DLGAP2: variants seen among roughly 807,000 people sequenced by gnomAD.
DLGAP2 encodes DLG associated protein 2.
A neutral mutation model predicts 100.3 loss-of-function variants in DLGAP2; 26 were observed. The observed-to-expected ratio is 0.26, with a 90% CI of 0.19 to 0.36. The LOEUF is 0.36. Among genes scored for constraint, DLGAP2 ranks in the 10% least tolerant of loss-of-function variants. The probability of loss-of-function intolerance (pLI) is 1.00; values close to 1 mark genes in which losing one functional copy is unlikely to be tolerated. For missense variants in DLGAP2, 1,858 were observed against 1,453.2 expected (o/e 1.28, Z -4.53); for synonymous variants, 886 against 630.1 (o/e 1.41, Z -6.08).
chr8:823,377 A>G (rs1796624652), intron 1 of DLGAP2, among the ~76,000 whole-genome samples: 1 of 152,048 alleles, frequency 6.6e-6, no homozygotes, highest in African/African-American at 2.4e-5. Context: ...AAGACAGTTC[A>G]CAGTACGCTT....
intron 2 of DLGAP2, among the ~76,000 whole-genome samples, chr8:1,194,261 C>T (rs1341801524): frequency 1.3e-5 from 2 of 152,128 alleles, no homozygotes; most frequent in South Asian, 2.1e-4. Context: ...GAAACACAGG[C>T]TCTGCGATTT....
intron 3 of DLGAP2, among the ~76,000 whole-genome samples, chr8:1,376,662 CGGTGGG>C (rs1802396485): frequency 1.6e-5 from 2 of 125,488 alleles, no homozygotes; most frequent in East Asian, 3.8e-4. Flanking sequence ...ACTCTGACCC[CGGTGGG>C]ATGTGTGGTC....
At chr8:1,271,684 G>C (rs1001640612) in intron 3 of DLGAP2, among the ~76,000 whole-genome samples, 1 of 152,244 alleles carries the variant, frequency 6.6e-6, no homozygotes, top group Non-Finnish European at 1.5e-5. Context: ...AAACAGGGTA[G>C]AGTGGTGTCT....
In DLGAP2 at chr8:1,317,929, AGCGTTTAAAAATAGAGC is replaced by A. The variant is rs1563079689; in HGVS notation, c.106+59048_106+59064del. Among the ~76,000 whole-genome samples the A allele has an allele frequency of 1.1e-3, 95 of 89,132 alleles. 2 individuals are homozygous for A. The highest frequency in any genetic ancestry group is 2.3e-3 in the Admixed American group (20 of 8,682). The allele number at this position is 89,132 out of a possible 152,430, so 58.5% of individuals were successfully genotyped here. A position where few individuals can be genotyped will look rare whatever the true frequency, so the allele number is the denominator to read the frequency against. ...GTGGTCTACACTCGAGACACTCGTC[AGCGTTTAAAAATAGAGC>A]GTGTGCGAGTGCAGCGTCTCTCCAA... On this transcript the variant is annotated intron_variant, in intron 3 of 14. Coordinates refer to ENST00000637795, the MANE Select transcript of DLGAP2 (RefSeq NM_001346810.2).
chr8:1,366,257 C>T (rs187160625), intron 3 of DLGAP2, among the ~76,000 whole-genome samples: 91 of 152,304 alleles, frequency 6.0e-4, no homozygotes, highest in Admixed American at 1.4e-3. Context: ...ATAAAGTAAA[C>T]ATTTATCACC....
chr8:1,129,286 C>T (rs1428434886), intron 2 of DLGAP2, among the ~76,000 whole-genome samples: 1 of 151,802 alleles, frequency 6.6e-6, no homozygotes, highest in Non-Finnish European at 1.5e-5. Flanking sequence ...GCCTGTGTTC[C>T]CAGCTGCTCG....
chr8:1,464,510 C>G (rs1183566944), intron 3 of DLGAP2, among the ~76,000 whole-genome samples: 2 of 98,948 alleles, frequency 2.0e-5, no homozygotes, highest in Non-Finnish European at 4.3e-5. Flanking sequence ...CAGGACGGCA[C>G]CCTTCCAGGA....
intron 3 of DLGAP2, among the ~76,000 whole-genome samples, chr8:1,269,106 CTG>C (rs1221812035): frequency 7.2e-5 from 11 of 152,214 alleles, no homozygotes; most frequent in Admixed American, 1.3e-4. Flanking sequence ...TCCTAAGCAA[CTG>C]TACATTGGCT....
chr8:1,144,032 C>T (rs1219791459), intron 2 of DLGAP2, among the ~76,000 whole-genome samples: 1 of 152,182 alleles, frequency 6.6e-6, no homozygotes, highest in Non-Finnish European at 1.5e-5. Flanking sequence ...GCATCTTAGT[C>T]CTGTTATTTC....
intron 2 of DLGAP2, among the ~76,000 whole-genome samples, chr8:1,165,825 T>C (rs1797003826): frequency 6.6e-6 from 1 of 151,868 alleles, no homozygotes; most frequent in Non-Finnish European, 1.5e-5. Flanking sequence ...TATCATTTCT[T>C]AAAAGCCTAA....
chr8:1,183,128 T>A (rs1797426713), intron 2 of DLGAP2, among the ~76,000 whole-genome samples: 2 of 151,264 alleles, frequency 1.3e-5, no homozygotes, highest in Admixed American at 1.3e-4. Flanking sequence ...CGAGATGCCT[T>A]GTGGGTGGGG....
intron 2 of DLGAP2, among the ~76,000 whole-genome samples, chr8:1,136,224 C>G (rs1294788577): frequency 6.6e-6 from 1 of 152,092 alleles, no homozygotes; most frequent in African/African-American, 2.4e-5. Context: ...CCCTTAGGCA[C>G]ATGAGTTGGG....
At chr8:880,964 T>G (rs1167553535) in intron 1 of DLGAP2, among the ~76,000 whole-genome samples, 1 of 152,216 alleles carries the variant, frequency 6.6e-6, no homozygotes, top group Non-Finnish European at 1.5e-5. Flanking sequence ...CACAGCCAAC[T>G]TTCTATCTCC....
intron 8 of DLGAP2, among the ~76,000 whole-genome samples, chr8:1,656,568 T>G (rs1798290124): frequency 6.6e-6 from 1 of 152,192 alleles, no homozygotes; most frequent in Non-Finnish European, 1.5e-5. Context: ...GGTTTGCAAA[T>G]GAGGTGGGCT....
intron 2 of DLGAP2, among the ~76,000 whole-genome samples, chr8:1,083,013 T>C (rs184010583): frequency 4.3e-4 from 65 of 152,338 alleles, no homozygotes; most frequent in Non-Finnish European, 6.8e-4. Context: ...AGAAGATATA[T>C]ATGGACCACA....
chr8:1,257,175 C>G (rs979109229), intron 2 of DLGAP2, among the ~76,000 whole-genome samples: 1 of 152,106 alleles, frequency 6.6e-6, no homozygotes, highest in African/African-American at 2.4e-5. Flanking sequence ...AAGGACGATT[C>G]ATGCTCTTTC....
chr8:1,279,582 T>C (rs1185955073), intron 3 of DLGAP2, among the ~76,000 whole-genome samples: 1 of 152,228 alleles, frequency 6.6e-6, no homozygotes, highest in Non-Finnish European at 1.5e-5. Context: ...CACACATGTG[T>C]CATCTCAGTG....
At chr8:848,992 CATAGGATCGTGA>C (rs1797127624) in intron 1 of DLGAP2, among the ~76,000 whole-genome samples, 1 of 147,176 alleles carries the variant, frequency 6.8e-6, no homozygotes, top group Non-Finnish European at 1.5e-5. Context: ...CCTGTTCCAG[CATAGGATCGTGA>C]GGTGCCTGTT....
rs1007300299 is a variant in DLGAP2 at position 801,010 on chromosome 8, A to G, written c.18+63185A>G. 7.2e-5 allele frequency among the ~76,000 whole-genome samples: 11 copies of G among 151,878 alleles called. 1 individual carries two copies. The highest frequency in any genetic ancestry group is 5.8e-4 in the East Asian group (3 of 5,166). ...CCGTCCACAGCCTGATACACCTTCA[A>G]TGGCTGGTTTGGGGTTTCTGGCTCA... is the stretch of plus-strand genomic sequence containing the variant. On this transcript the variant is annotated intron_variant, in intron 1 of 14. Coordinates refer to ENST00000637795, the MANE Select transcript of DLGAP2 (RefSeq NM_001346810.2).
Sources: gnomAD v4.1 joint callset for allele counts (sites outside exome capture counted in the v4.1 genomes callset) on GRCh38, gnomAD v4.1.1 for gene constraint, MANE v1.5 for transcripts, NCBI Gene and HGNC (gene_info 2026-07-23, HGNC 2026-07-21) for gene names.